AP3B1: variants seen among roughly 807,000 people sequenced by gnomAD.
The protein encoded by AP3B1 is adaptor related protein complex 3 subunit beta 1, also known as AP-3 complex subunit beta-1.
AP3B1 carries 61 observed loss-of-function variants against 132.5 expected under a neutral mutation model. That is an observed-to-expected ratio of 0.46 (90% confidence interval 0.37 to 0.57). AP3B1 has a LOEUF of 0.57. Among genes scored for constraint, AP3B1 ranks in the 20% least tolerant of loss-of-function variants. AP3B1 has a pLI of 0.00. For missense variants in AP3B1, 1,120 were observed against 1,289.4 expected (o/e 0.87, Z 2.01); for synonymous variants, 388 against 438.3 (o/e 0.89, Z 1.43).
intron 22 of AP3B1, among the ~76,000 whole-genome samples, chr5:78,081,464 C>T (rs1750001316): frequency 6.6e-6 from 1 of 151,956 alleles, no homozygotes; most frequent in Non-Finnish European, 1.5e-5. Flanking sequence ...CCCGCCACTG[C>T]GCCCGGCTAA....
Position 78,269,665 on chromosome 5 carries a change from T to C in AP3B1, c.129-2070A>G, listed in dbSNP as rs556852607. 6.6e-5 allele frequency among the ~76,000 whole-genome samples: 10 copies of C among 152,276 alleles called. No individual in the cohort carries two copies. In the South Asian group the frequency reaches 1.7e-3, roughly 25 times the overall value. ...ATTAAGACTATGTAGTACTGTACAC[T>C]ATATCAGTGCTACTTAAAGTATGAT... On this transcript the variant is annotated intron_variant, in intron 1 of 26. Coordinates refer to ENST00000255194, the MANE Select transcript of AP3B1 (RefSeq NM_003664.5).
At chr5:78,250,796 G>A (rs1260194798) in intron 2 of AP3B1, among the ~76,000 whole-genome samples, 1 of 151,784 alleles carries the variant, frequency 6.6e-6, no homozygotes, top group Non-Finnish European at 1.5e-5. Flanking sequence ...GAATGACTTT[G>A]GAATAGCAAA....
intron 22 of AP3B1, chr5:78,042,279 G>C (rs983624957): frequency 6.6e-6 from 1 of 150,814 alleles, no homozygotes; most frequent in African/African-American, 2.4e-5. Flanking sequence ...GTTTCACTCT[G>C]TCATCCAGGC....
intron 21 of AP3B1, among the ~76,000 whole-genome samples, chr5:78,093,161 T>A (rs1029990163): frequency 5.9e-5 from 9 of 152,190 alleles, no homozygotes; most frequent in Non-Finnish European, 1.2e-4. Flanking sequence ...TCTAACAGGA[T>A]AAAGGACAAC....
chr5:78,244,414 C>T lies in AP3B1; in HGVS notation c.205-3478G>A, dbSNP rs576979887. Among the ~76,000 whole-genome samples the T allele has an allele frequency of 6.3e-4, 92 of 146,754 alleles. No individual in the cohort carries two copies. The Middle Eastern group carries it at 0.01, about 17-fold the overall frequency. On this transcript the variant is annotated intron_variant, in intron 2 of 26. Transcript: ENST00000255194. ...TGTGACAGAGTTTGAGACTCCAACT[C>T]AAAAGAAAAAAAAAAGAAGAAGGAC...
chr5:78,107,926 T>C (rs1028353871), intron 20 of AP3B1, among the ~76,000 whole-genome samples: 1 of 152,252 alleles, frequency 6.6e-6, no homozygotes. Flanking sequence ...TGATCTTTCA[T>C]ATTTTATTTT....
At chr5:78,174,556 T>C (rs1328525409) in intron 11 of AP3B1, among the ~76,000 whole-genome samples, 3 of 152,206 alleles carry the variant, frequency 2.0e-5, no homozygotes, top group Non-Finnish European at 4.4e-5. Flanking sequence ...GCAAATACTG[T>C]AGAACAGCAA....
intron 23 of AP3B1, among the ~76,000 whole-genome samples, chr5:78,034,859 AAAAGTAAATTTTAAAC>A (rs747828849): frequency 3.9e-5 from 6 of 151,978 alleles, no homozygotes; most frequent in Non-Finnish European, 5.9e-5. Flanking sequence ...TCTAGATATA[AAAAGTAAATTTTAAAC>A]AATGTCCAAA....
chr5:78,126,595 C>CA (rs912936225), intron 17 of AP3B1, among the ~76,000 whole-genome samples: 143 of 146,676 alleles, frequency 9.7e-4, no homozygotes, highest in African/African-American at 3.5e-3. Context: ...GAGTAAAAAT[C>CA]AACAAACTCA....
chr5:78,010,422 G>C (rs1055317417), intron 26 of AP3B1, among the ~76,000 whole-genome samples: 1 of 152,132 alleles, frequency 6.6e-6, no homozygotes, highest in African/African-American at 2.4e-5. Context: ...GTGGGTTCCA[G>C]AAATCTGAGT....
chr5:78,175,677 C>T lies in AP3B1; in HGVS notation c.1116G>A (p.Leu372=). ...IQRKGMFEPY[L]KSFYVRSTDP... is the part of the protein sequence containing the mutation. ...CAGTTGACCTAACATAGAAACTCTT[C>T]AGATAAGGTTCAAACATCCCCTGGA... Residue 372 remains leucine (L), a synonymous_variant, in exon 11 of 27, where the codon CTG becomes CTA. Transcript: ENST00000255194. The T allele has an allele frequency of 6.2e-7, 1 of 1,613,382 alleles. No homozygotes were observed. The highest frequency in any genetic ancestry group is 8.5e-7 in the Non-Finnish European group (1 of 1,179,576).
At chr5:78,140,433 A>G (rs1001409309) in intron 15 of AP3B1, among the ~76,000 whole-genome samples, 11 of 152,134 alleles carry the variant, frequency 7.2e-5, no homozygotes, top group African/African-American at 2.7e-4. Flanking sequence ...ACAGTTCTGG[A>G]GGCTGGGAAA....
intron 14 of AP3B1, among the ~76,000 whole-genome samples, chr5:78,144,054 T>C (rs1753276060): frequency 6.6e-6 from 1 of 151,978 alleles, no homozygotes; most frequent in Non-Finnish European, 1.5e-5. Context: ...CATGGTCTTT[T>C]TAACCACAAA....
intron 13 of AP3B1, among the ~76,000 whole-genome samples, chr5:78,160,246 A>G (rs946059430): frequency 2.0e-5 from 3 of 152,196 alleles, no homozygotes; most frequent in Non-Finnish European, 4.4e-5. Flanking sequence ...AGTCTTCAAT[A>G]AATGCTTACT....
At chr5:78,252,701 T>C (rs1747690434) in intron 2 of AP3B1, among the ~76,000 whole-genome samples, 1 of 152,172 alleles carries the variant, frequency 6.6e-6, no homozygotes, top group African/African-American at 2.4e-5. Context: ...TCGGCTGCAA[T>C]ACAACAGAAC....
chr5:78,234,961 G>GT (rs1024677647), intron 3 of AP3B1, among the ~76,000 whole-genome samples: 5 of 152,004 alleles, frequency 3.3e-5, no homozygotes, highest in African/African-American at 9.7e-5. Flanking sequence ...TAGTCTGGTT[G>GT]TTTTTTTGGT....
intron 1 of AP3B1, among the ~76,000 whole-genome samples, chr5:78,289,589 G>A (rs1004384853): frequency 4.6e-5 from 7 of 152,140 alleles, no homozygotes; most frequent in Non-Finnish European, 8.8e-5. Flanking sequence ...TTAAACCCAA[G>A]GGCCTCTTTT....
intron 22 of AP3B1, among the ~76,000 whole-genome samples, chr5:78,070,889 A>T (rs1296620308): frequency 3.9e-5 from 6 of 152,214 alleles, no homozygotes; most frequent in Non-Finnish European, 7.4e-5. Context: ...CAGAATGGCG[A>T]TTAAAAAGTC....
At chr5:78,224,166 G>T (rs920595242) in intron 6 of AP3B1, among the ~76,000 whole-genome samples, 2 of 151,924 alleles carry the variant, frequency 1.3e-5, no homozygotes, top group Non-Finnish European at 2.9e-5. Context: ...AGACAAAAAG[G>T]AATCAAATTT....
Sources: gnomAD v4.1 joint callset for allele counts (sites outside exome capture counted in the v4.1 genomes callset) on GRCh38, gnomAD v4.1.1 for gene constraint, MANE v1.5 for transcripts, NCBI Gene and HGNC (gene_info 2026-07-23, HGNC 2026-07-21) for gene names.